Variants in MAGI1 observed in about 807,000 individuals in gnomAD.
The protein encoded by MAGI1 is membrane associated guanylate kinase, WW and PDZ domain containing 1, also known as membrane-associated guanylate kinase, WW and PDZ domain-containing protein 1.
MAGI1 carries 58 observed loss-of-function variants against 139.9 expected under a neutral mutation model. That is an observed-to-expected ratio of 0.41 (90% CI 0.34 to 0.52). The LOEUF is 0.52. Among genes scored for constraint, MAGI1 ranks in the 20% least tolerant of loss-of-function variants. MAGI1 has a pLI of 0.12. For missense variants in MAGI1, 1,874 were observed against 1,901.6 expected, an observed-to-expected ratio of 0.99 and a Z score of 0.27; for synonymous variants, 812 against 737.9, an observed-to-expected ratio of 1.10 and a Z score of -1.63.
chr3:65,703,208 T>C (rs2089735549), intron 1 of MAGI1, among the ~76,000 whole-genome samples: 1 of 152,200 alleles, frequency 6.6e-6, no homozygotes, highest in African/African-American at 2.4e-5. Context: ...AACCAGAAGA[T>C]GAGCAAATCT....
chr3:65,966,270 A>C (rs947198400), intron 1 of MAGI1, among the ~76,000 whole-genome samples: 1 of 152,210 alleles, frequency 6.6e-6, no homozygotes, highest in Non-Finnish European at 1.5e-5. Flanking sequence ...AAGCCCTCTG[A>C]ATTGGAAATA....
rs565671546 is a variant in MAGI1 at position 65,688,641 on chromosome 3, G to A, written c.314-66553C>T. Among the ~76,000 whole-genome samples the A allele has an allele frequency of 3.3e-5, 5 of 152,230 alleles. No homozygotes were observed. In the South Asian group the frequency reaches 1.0e-3, roughly 32 times the overall value. On this transcript the variant is annotated intron_variant, in intron 1 of 22. Transcript: ENST00000402939. ...GTCATTCCACTGGGTTTTGACATTG[G>A]CTTAGCAGCCAATATCAAATGTTGG...
At chr3:65,888,534 A>G (rs1243361708) in intron 1 of MAGI1, among the ~76,000 whole-genome samples, 1 of 152,178 alleles carries the variant, frequency 6.6e-6, no homozygotes, top group African/African-American at 2.4e-5. Context: ...AAAATTATAC[A>G]AGTAGTAAAT....
chr3:65,507,896 AT>A (rs75891463), intron 2 of MAGI1, among the ~76,000 whole-genome samples: 15 of 149,906 alleles, frequency 1.0e-4, no homozygotes, highest in South Asian at 2.1e-4. Flanking sequence ...TTTAGAGGTG[AT>A]TTTTTTTTTA....
chr3:65,455,232 C>T (rs550400810), intron 5 of MAGI1, among the ~76,000 whole-genome samples: 140 of 152,178 alleles, frequency 9.2e-4, no homozygotes, highest in African/African-American at 3.2e-3. Context: ...TATAGTATAC[C>T]GTGACAACTA....
chr3:65,427,111 C>T (rs546634477), intron 12 of MAGI1, among the ~76,000 whole-genome samples: 33 of 152,092 alleles, frequency 2.2e-4, no homozygotes, highest in African/African-American at 7.2e-4. Flanking sequence ...CGCGGGAGTT[C>T]GAGACCAGCA....
intron 2 of MAGI1, among the ~76,000 whole-genome samples, chr3:65,598,584 G>T (rs765134350): frequency 7.2e-5 from 11 of 152,174 alleles, no homozygotes; most frequent in Non-Finnish European, 1.5e-4. Flanking sequence ...ACGATGGAGT[G>T]GCTTAGAAAA....
At chr3:65,389,340 T>A (rs1943709306) in intron 14 of MAGI1, among the ~76,000 whole-genome samples, 1 of 152,198 alleles carries the variant, frequency 6.6e-6, no homozygotes, top group African/African-American at 2.4e-5. Flanking sequence ...ATTAAACGGA[T>A]GTTTTACAAT....
chr3:65,709,838 T>A (rs1005083057), intron 1 of MAGI1, among the ~76,000 whole-genome samples: 11 of 152,248 alleles, frequency 7.2e-5, no homozygotes, highest in Non-Finnish European at 1.6e-4. Context: ...CGTACAGAAC[T>A]AGCCTCTACA....
intron 1 of MAGI1, among the ~76,000 whole-genome samples, chr3:65,792,882 G>A (rs566376408): frequency 2.0e-4 from 31 of 152,214 alleles, no homozygotes; most frequent in African/African-American, 3.4e-4. Flanking sequence ...GGATTGGCGC[G>A]GGGGAGGGCA....
At chr3:65,887,089 C>T (rs979949130) in intron 1 of MAGI1, among the ~76,000 whole-genome samples, 15 of 151,748 alleles carry the variant, frequency 9.9e-5, no homozygotes, top group Non-Finnish European at 1.9e-4. Context: ...AAGTTGAAAC[C>T]AAGATTCTCA....
chr3:65,850,420 A>G (rs910250315), intron 1 of MAGI1, among the ~76,000 whole-genome samples: 1 of 152,308 alleles, frequency 6.6e-6, no homozygotes, highest in African/African-American at 2.4e-5. Context: ...AATCCAGGGT[A>G]AACCAGGATG....
chr3:65,532,192 A>T (rs2078745843), intron 2 of MAGI1, among the ~76,000 whole-genome samples: 1 of 152,126 alleles, frequency 6.6e-6, no homozygotes, highest in Non-Finnish European at 1.5e-5. Flanking sequence ...CGTTCCAATC[A>T]TTTCCTATTG....
chr3:65,673,314 G>A (rs2086980500), intron 1 of MAGI1, among the ~76,000 whole-genome samples: 1 of 152,148 alleles, frequency 6.6e-6, no homozygotes, highest in African/African-American at 2.4e-5. Flanking sequence ...CAAATTTCCT[G>A]ATGTCTTAGT....
intron 1 of MAGI1, among the ~76,000 whole-genome samples, chr3:65,927,391 C>A (rs570844970): frequency 1.3e-5 from 2 of 152,148 alleles, no homozygotes; most frequent in Non-Finnish European, 2.9e-5. Context: ...CACATAATCA[C>A]GCCCACTGAA....
At chr3:65,661,308 C>T (rs920417685) in intron 1 of MAGI1, among the ~76,000 whole-genome samples, 2 of 152,100 alleles carry the variant, frequency 1.3e-5, no homozygotes, top group Non-Finnish European at 2.9e-5. Flanking sequence ...TTCCTGTCAA[C>T]AAAATGAATT....
At chr3:65,569,053 T>C (rs1185694567) in intron 2 of MAGI1, among the ~76,000 whole-genome samples, 5 of 152,200 alleles carry the variant, frequency 3.3e-5, no homozygotes, top group Admixed American at 1.3e-4. Context: ...CAAGTGCCTA[T>C]AGATAGATGA....
rs770448480 is a variant in MAGI1, at chr3:65,391,300, C to T, written c.2258G>A (p.Arg753Gln). The T allele has an allele frequency of 8.8e-5, 142 of 1,614,018 alleles. No individual in the cohort carries two copies. Among genetic ancestry groups the T allele is most frequent in the Middle Eastern group, 1.6e-4 (1 of 6,084 alleles). ...GCTTGGGGATGCTGTGTGCAGGCTT[C>T]GGTGGCTGGAAACACTGTGCTGAGA... ...NSSQHSVSSH[R>Q]SLHTASPSHS... The change falls in exon 14 of 23, where the codon CGA (arginine) becomes CAA (glutamine). Residue 753 changes from arginine (R) to glutamine (Q), a missense_variant. Physicochemically the swap from Arg to Gln is conservative, Grantham distance 43. Coordinates refer to ENST00000402939, the MANE Select transcript of MAGI1 (RefSeq NM_001033057.2).
rs142474440 is a variant in MAGI1, at chr3:65,750,886, A to G, written c.314-128798T>C. Among the ~76,000 whole-genome samples, 63 of 152,370 alleles carry G rather than the reference A, an allele frequency of 4.1e-4. 1 individual carries two copies. In the South Asian group the frequency reaches 0.012, roughly 30 times the overall value. ...CTACTTGAAATTTTTGCAGGAAAAG[A>G]AAGAATATTACAGTGCTAGGTGTCA... On this transcript the variant is annotated intron_variant, in intron 1 of 22. Coordinates refer to ENST00000402939, the MANE Select transcript of MAGI1 (RefSeq NM_001033057.2).
Sources: gnomAD v4.1 joint callset for allele counts (sites outside exome capture counted in the v4.1 genomes callset) on GRCh38, gnomAD v4.1.1 for gene constraint, MANE v1.5 for transcripts, NCBI Gene and HGNC (gene_info 2026-07-23, HGNC 2026-07-21) for gene names.